TBX5: variants seen among roughly 807,000 people sequenced by gnomAD.
The protein encoded by TBX5 is T-box transcription factor TBX5.
A neutral mutation model predicts 51.1 loss-of-function variants in TBX5; 8 were observed. That is an observed-to-expected ratio of 0.16 (90% CI 0.09 to 0.28). The LOEUF (loss-of-function observed/expected upper bound fraction) is 0.28, where lower values mean the gene tolerates loss of function less well. TBX5 is among the 10% of genes least tolerant of loss of function. TBX5 has a pLI of 1.00. For synonymous variants in TBX5, 302 were observed against 266.4 expected (o/e 1.13, Z -1.30); for missense variants, 589 against 671.7 (o/e 0.88, Z 1.36).
chr12:114,369,665 T>C (rs1869746657), intron 7 of TBX5, among the ~76,000 whole-genome samples: 1 of 152,084 alleles, frequency 6.6e-6, no homozygotes, highest in Middle Eastern at 3.2e-3. Flanking sequence ...ATCTCTAAAG[T>C]CCTCCAGATG....
At chr12:114,359,863 TTA>T (rs1593840608) in intron 8 of TBX5, among the ~76,000 whole-genome samples, 1 of 152,230 alleles carries the variant, frequency 6.6e-6, no homozygotes, top group African/African-American at 2.4e-5. Context: ...AGTTGAGTTT[TTA>T]TCTTCCTTGC....
rs1260364363 is a variant in TBX5, at chr12:114,405,709, A to T, written c.-120T>A. ...CCGGCGGTGAGGCGGGGGAGCAGGCATGGTGGCTCCGGGGTTTATGCGGGG... is the reference window on the plus strand; with the variant it reads ...CCGGCGGTGAGGCGGGGGAGCAGGCTTGGTGGCTCCGGGGTTTATGCGGGG... On this transcript the variant is annotated 5_prime_UTR_variant, in exon 1 of 9. It removes an upstream start codon present in the reference 5' UTR. Transcript: ENST00000405440. 1.0e-6 allele frequency: 1 copy of T among 985,498 alleles called. No individual in the cohort carries two copies. The highest frequency in any genetic ancestry group is 4.7e-5 in the South Asian group (1 of 21,294). The allele number at this position is 985,498 out of a possible 1,614,324, so 61.0% of individuals were successfully genotyped here.
At position 114,394,776 on chromosome 12, in the gene TBX5, C is replaced by G. The variant is rs1489817375; in HGVS notation, c.628G>C (p.Ala210Pro). Residue 210 changes from alanine (A) to proline (P), a missense_variant, in exon 6 of 9, where the codon GCG (alanine) becomes CCG (proline). Ala to Pro is a conservative substitution (Grantham distance 27). Coordinates refer to ENST00000405440, the MANE Select transcript of TBX5 (RefSeq NM_181486.4). ...AFCTHVFPET[A>P]FIAVTSYQNH... is the part of the protein sequence containing the mutation. ...TGGTAGGAAGTCACTGCTATAAACG[C>G]AGTCTCAGGAAAGACGTGAGTGCAG... is the stretch of plus-strand genomic sequence containing the variant. The G allele has an allele frequency of 3.7e-6, 6 of 1,614,064 alleles. No individual in the cohort carries two copies. In the African/African-American group the frequency reaches 6.7e-5, roughly 18 times the overall value.
intron 8 of TBX5, 125 bp downstream of exon 8, chr12:114,366,034 ATATTTT>A: frequency 9.4e-7 from 1 of 1,067,974 alleles, no homozygotes; most frequent in Non-Finnish European, 1.4e-6. Context: ...TTATCTCCAT[ATATTTT>A]TGTGTTGTTT....
At chr12:114,394,116 T>C (rs1307467270) in intron 6 of TBX5, among the ~76,000 whole-genome samples, 1 of 152,162 alleles carries the variant, frequency 6.6e-6, no homozygotes, top group Non-Finnish European at 1.5e-5. Flanking sequence ...AGACCAGTCC[T>C]GGCAACATAG....
chr12:114,406,905 T>C (rs1001108089), upstream of TBX5: 29 of 243,444 alleles, frequency 1.2e-4, no homozygotes, highest in Non-Finnish European at 1.9e-4. Flanking sequence ...ACACAGTCAG[T>C]AGGTCTCAGT....
At chr12:114,407,029 G>A, upstream of TBX5, 1 of 985,116 alleles carries the variant, frequency 1.0e-6, no homozygotes, top group Non-Finnish European at 1.2e-6. Flanking sequence ...TTTTTCTAGG[G>A]TTCTGATAAG....
chr12:114,405,114 A>G (rs1296773163), intron 1 of TBX5, among the ~76,000 whole-genome samples: 2 of 152,210 alleles, frequency 1.3e-5, no homozygotes, highest in Non-Finnish European at 2.9e-5. Flanking sequence ...GCAGCTGCTT[A>G]AGCAAGCGGC....
chr12:114,393,854 C>A (rs1407758839), intron 6 of TBX5, among the ~76,000 whole-genome samples: 2 of 152,166 alleles, frequency 1.3e-5, no homozygotes. Flanking sequence ...AGTGTTATCC[C>A]AAGCTGCTGG....
intron 7 of TBX5, among the ~76,000 whole-genome samples, chr12:114,369,690 T>C (rs1869747736): frequency 6.6e-6 from 1 of 152,172 alleles, no homozygotes; most frequent in Non-Finnish European, 1.5e-5. Flanking sequence ...GATAAAACTA[T>C]TTTCTTCTAC....
chr12:114,408,116 G>A (rs1417210016), upstream of TBX5: 1 of 985,422 alleles, frequency 1.0e-6, no homozygotes, highest in Non-Finnish European at 1.2e-6. Context: ...CACGAGTCAC[G>A]CAACCGGCCC....
chr12:114,383,469 G>A (rs150084722), intron 7 of TBX5, among the ~76,000 whole-genome samples: 7 of 152,174 alleles, frequency 4.6e-5, no homozygotes, highest in African/African-American at 1.7e-4. Context: ...GAAGGTCATG[G>A]CTAACCAGGC....
At chr12:114,362,655 T>C (rs1196167095) in intron 8 of TBX5, among the ~76,000 whole-genome samples, 4 of 151,698 alleles carry the variant, frequency 2.6e-5, no homozygotes, top group Non-Finnish European at 5.9e-5. Context: ...CATTCAATCA[T>C]TTATTTTATT....
rs146908258 is a variant in TBX5, at chr12:114,366,319, G to A, written c.828C>T (p.Ser276=). The A allele has an allele frequency of 1.1e-5, 17 of 1,613,948 alleles. No individual in the cohort carries two copies. Among genetic ancestry groups the A allele is most frequent in the African/African-American group, 4.0e-5 (3 of 74,894 alleles). Residue 276 remains serine (S), a synonymous_variant, in exon 8 of 9, where the codon AGC becomes AGT. Transcript: ENST00000405440. ...ATGAGGTGGAGAGAGCTCGAGACTC[G>A]CTGCTGAAAGGACTGTGGTTGGAGG... is the stretch of plus-strand genomic sequence containing the variant. ...KVASNHSPFS[S]ESRALSTSSN...
intron 8 of TBX5, among the ~76,000 whole-genome samples, chr12:114,356,558 C>T (rs894558515): frequency 1.3e-5 from 2 of 152,040 alleles, no homozygotes; most frequent in African/African-American, 4.8e-5. Flanking sequence ...AGTGAGACCC[C>T]CCATCTCAAA....
At chr12:114,365,992 AC>A (rs1395481871) in intron 8 of TBX5, 172 bp downstream of exon 8, 17 of 772,746 alleles carry the variant, frequency 2.2e-5, no homozygotes, top group African/African-American at 3.5e-5. Context: ...TGTCAAGGGA[AC>A]TTTTTGTTTT....
At chr12:114,383,264 A>C (rs1870613289) in intron 7 of TBX5, among the ~76,000 whole-genome samples, 1 of 152,172 alleles carries the variant, frequency 6.6e-6, no homozygotes. Context: ...GAAAAGCTAC[A>C]AGGAGACTCA....
At chr12:114,371,191 A>T (rs1003652184) in intron 7 of TBX5, among the ~76,000 whole-genome samples, 1 of 152,190 alleles carries the variant, frequency 6.6e-6, no homozygotes, top group Non-Finnish European at 1.5e-5. Context: ...AGTTTGCAAC[A>T]GTCAAATCTC....
chr12:114,367,257 G>GAAAGA (rs1869595635), intron 7 of TBX5, among the ~76,000 whole-genome samples: 1 of 150,778 alleles, frequency 6.6e-6, no homozygotes, highest in Non-Finnish European at 1.5e-5. Context: ...AAAAAGGAAA[G>GAAAGA]AAAGAAAAGA....
Sources: gnomAD v4.1 joint callset for allele counts (sites outside exome capture counted in the v4.1 genomes callset) on GRCh38, gnomAD v4.1.1 for gene constraint, MANE v1.5 for transcripts, NCBI Gene and HGNC (gene_info 2026-07-23, HGNC 2026-07-21) for gene names.